Variants in DNM3 observed in about 807,000 individuals in gnomAD.
DNM3 encodes the protein dynamin-3.
Under a neutral mutation model 101.6 loss-of-function variants are expected in DNM3, and 47 were observed. The ratio of observed to expected loss-of-function variants is 0.46; its 90% confidence interval spans 0.37 to 0.59. DNM3 has a LOEUF of 0.59. Ranked by LOEUF, DNM3 falls within the 20% of genes least tolerant of loss-of-function variation. The probability of loss-of-function intolerance (pLI) is 0.00; values close to 1 mark genes in which losing one functional copy is unlikely to be tolerated. For synonymous variants in DNM3, 385 were observed against 387.9 expected (o/e 0.99, Z 0.09); for missense variants, 849 against 1,085.7 (o/e 0.78, Z 3.06).
At chr1:172,234,470 A>G (rs1393853999) in intron 14 of DNM3, among the ~76,000 whole-genome samples, 1 of 152,168 alleles carries the variant, frequency 6.6e-6, no homozygotes, top group Non-Finnish European at 1.5e-5. Context: ...AAGGTAATTT[A>G]CAGATTCAAT....
At chr1:171,883,909 G>A (rs74126520) in intron 1 of DNM3, among the ~76,000 whole-genome samples, 7 of 152,236 alleles carry the variant, frequency 4.6e-5, no homozygotes, top group African/African-American at 1.2e-4. Flanking sequence ...CTGATTTTTG[G>A]GGCCTCTCTC....
intron 15 of DNM3, among the ~76,000 whole-genome samples, chr1:172,275,665 C>CACACATAG (rs2063256564): frequency 2.0e-5 from 3 of 151,864 alleles, no homozygotes; most frequent in Admixed American, 6.6e-5. Flanking sequence ...CCCATGGAAA[C>CACACATAG]ACACATAGTG....
At chr1:172,068,938 A>G (rs1309293835) in intron 11 of DNM3, 33 bp downstream of exon 11, 2 of 1,539,950 alleles carry the variant, frequency 1.3e-6, no homozygotes, top group Non-Finnish European at 1.8e-6. Flanking sequence ...GGGCAGGGAG[A>G]TTGTGGGAGG....
intron 10 of DNM3, among the ~76,000 whole-genome samples, chr1:172,058,149 C>A (rs1261271339): frequency 7.2e-6 from 1 of 139,308 alleles, no homozygotes; most frequent in Non-Finnish European, 1.5e-5. Flanking sequence ...AGCTAACTAT[C>A]TTAAATATAT....
chr1:171,993,617 T>A (rs1289337390), intron 4 of DNM3, among the ~76,000 whole-genome samples: 2 of 151,902 alleles, frequency 1.3e-5, no homozygotes, highest in African/African-American at 2.4e-5. Flanking sequence ...TAATGCTTTT[T>A]AAGTCAAATT....
chr1:172,312,503 A>G lies in DNM3; in HGVS notation c.1881+3664A>G, dbSNP rs192560801. On this transcript the variant is annotated intron_variant, in intron 16 of 20. Coordinates refer to ENST00000627582, the MANE Select transcript of DNM3 (RefSeq NM_015569.5). ...TAAGGTTACATATGCTCACTTTTTA[A>G]AATACATTCTCACTATATATTTTTT... is the stretch of plus-strand genomic sequence containing the variant. Among the ~76,000 whole-genome samples, 417 of 152,294 alleles carry G rather than the reference A, an allele frequency of 2.7e-3. 1 individual carries two copies. Among genetic ancestry groups the G allele is most frequent in the African/African-American group, 9.4e-3 (391 of 41,556 alleles).
chr1:172,005,307 TTG>T (rs1485301869), intron 4 of DNM3, among the ~76,000 whole-genome samples: 1 of 151,150 alleles, frequency 6.6e-6, no homozygotes, highest in Non-Finnish European at 1.5e-5. Flanking sequence ...TAAAAATAAT[TTG>T]TTAAGTTGGT....
chr1:172,194,648 T>G (rs1368669497), intron 14 of DNM3, among the ~76,000 whole-genome samples: 1 of 152,124 alleles, frequency 6.6e-6, no homozygotes, highest in East Asian at 1.9e-4. Context: ...CTTTGTTGGT[T>G]TAAAGTCTGC....
At position 172,410,604 on chromosome 1, in the gene DNM3, G is replaced by A. The variant is rs1420918056; in HGVS notation, c.*2763G>A. 3.5e-5 allele frequency: 34 copies of A among 984,678 alleles called. No homozygotes were observed. Among genetic ancestry groups the A allele is most frequent in the Non-Finnish European group, 4.0e-5 (33 of 829,404 alleles). 61.0% of individuals were successfully genotyped at this position (984,678 alleles called of 1,614,324 possible). On this transcript the variant is annotated 3_prime_UTR_variant, in exon 21 of 21. Transcript: ENST00000627582. ...TTGAAATAGTATTGATTTAGAAAAA[G>A]TATATTGCATTTCTAAAAAACATCT...
At chr1:172,163,133 A>G (rs1050110513) in intron 14 of DNM3, among the ~76,000 whole-genome samples, 3 of 152,158 alleles carry the variant, frequency 2.0e-5, no homozygotes, top group Non-Finnish European at 2.9e-5. Flanking sequence ...ATTAACATGT[A>G]CATCACCTCA....
intron 17 of DNM3, among the ~76,000 whole-genome samples, chr1:172,335,923 T>C (rs2066404197): frequency 6.6e-6 from 1 of 152,000 alleles, no homozygotes; most frequent in African/African-American, 2.4e-5. Context: ...AACCTGCACG[T>C]TTACCCCCTG....
chr1:171,971,641 C>A lies in DNM3; in HGVS notation c.236-16015C>A, dbSNP rs182251635. On this transcript the variant is annotated intron_variant, in intron 2 of 20. Coordinates refer to ENST00000627582, the MANE Select transcript of DNM3 (RefSeq NM_015569.5). Reference sequence around the variant, plus strand: ...ATGGAAAATAATCTGAACTTTGTAACCTAAGAAGCAAAATAGTCTGAATTC... The same window carrying A: ...ATGGAAAATAATCTGAACTTTGTAAACTAAGAAGCAAAATAGTCTGAATTC... Among the ~76,000 whole-genome samples the A allele has an allele frequency of 2.1e-3, 319 of 152,014 alleles. 1 individual carries two copies. The highest frequency in any genetic ancestry group is 4.0e-3 in the Admixed American group (61 of 15,284).
intron 17 of DNM3, among the ~76,000 whole-genome samples, chr1:172,350,548 C>T (rs866213406): frequency 1.3e-5 from 2 of 151,972 alleles, no homozygotes; most frequent in South Asian, 2.1e-4. Flanking sequence ...TAGGAGAAAA[C>T]GTAACGTAAA....
intron 1 of DNM3, among the ~76,000 whole-genome samples, chr1:171,900,748 T>C (rs974393619): frequency 1.2e-4 from 18 of 152,058 alleles, no homozygotes; most frequent in Non-Finnish European, 1.2e-4. Flanking sequence ...CTTGTCTTTT[T>C]CCCCAAGGTT....
intron 13 of DNM3, among the ~76,000 whole-genome samples, chr1:172,118,750 GGAGAGCCA>G (rs1223130255): frequency 6.6e-6 from 1 of 152,088 alleles, no homozygotes; most frequent in Non-Finnish European, 1.5e-5. Context: ...GCAGGCATCA[GGAGAGCCA>G]GAGTGGTTTT....
chr1:171,977,778 G>A (rs1345983313), intron 2 of DNM3, among the ~76,000 whole-genome samples: 2 of 152,046 alleles, frequency 1.3e-5, no homozygotes, highest in East Asian at 3.8e-4. Context: ...GGCCTTTAAG[G>A]TTGCATCTGC....
chr1:172,254,018 TGCAGCCTCGAAC>T (rs1306332661), intron 15 of DNM3, among the ~76,000 whole-genome samples: 1 of 152,142 alleles, frequency 6.6e-6, no homozygotes, highest in African/African-American at 2.4e-5. Flanking sequence ...TATGATTCAC[TGCAGCCTCGAAC>T]TCCTGGGCTC....
At chr1:171,886,056 A>C (rs1411452802) in intron 1 of DNM3, among the ~76,000 whole-genome samples, 1 of 152,158 alleles carries the variant, frequency 6.6e-6, no homozygotes, top group Non-Finnish European at 1.5e-5. Flanking sequence ...CAGGAGTGGA[A>C]TCTTCCATGG....
At chr1:172,159,545 T>A (rs1486800452) in intron 14 of DNM3, among the ~76,000 whole-genome samples, 1 of 152,088 alleles carries the variant, frequency 6.6e-6, no homozygotes, top group Non-Finnish European at 1.5e-5. Context: ...GAAATCTATC[T>A]TAAGAAGTAG....
Sources: allele counts gnomAD v4.1 joint callset (sites outside exome capture counted in the v4.1 genomes callset), GRCh38; gene constraint gnomAD v4.1.1; transcripts MANE v1.5; gene names NCBI Gene and HGNC (gene_info 2026-07-23, HGNC 2026-07-21).